The following TFB1M variants were observed in gnomAD, a reference collection of about 807,000 sequenced individuals.
The protein encoded by TFB1M is dimethyladenosine transferase 1, mitochondrial.
TFB1M carries 27 observed loss-of-function variants against 31.1 expected under a neutral mutation model. The observed-to-expected ratio is 0.87, with a 90% confidence interval of 0.64 to 1.20. The LOEUF is 1.20. Ranked by LOEUF, TFB1M falls within the 50% of genes most tolerant of loss-of-function variation. TFB1M has a pLI of 0.00. For synonymous variants in TFB1M, 166 were observed against 151.8 expected, an observed-to-expected ratio of 1.09 and a Z score of -0.69; for missense variants, 394 against 418.7, an observed-to-expected ratio of 0.94 and a Z score of 0.51.
the TFB1M span, among the ~76,000 whole-genome samples, chr6:155,235,777 C>G: frequency 6.6e-6 from 1 of 152,170 alleles, no homozygotes; most frequent in South Asian, 2.1e-4. Context: ...CTAACATTCA[C>G]TTTTTGGGAG....
intron 1 of TFB1M, among the ~76,000 whole-genome samples, chr6:155,311,715 C>T (rs1336329504): frequency 6.6e-6 from 1 of 152,190 alleles, no homozygotes; most frequent in Non-Finnish European, 1.5e-5. Flanking sequence ...AGTTATTGAA[C>T]ATTGAATATC....
intron 5 of TFB1M, among the ~76,000 whole-genome samples, chr6:155,265,680 T>C (rs1159686065): frequency 6.8e-6 from 1 of 147,134 alleles, no homozygotes; most frequent in Non-Finnish European, 1.5e-5. Flanking sequence ...GGAATATATA[T>C]ATATGAGTTT....
chr6:155,307,869 C>T (rs1372359642), intron 2 of TFB1M, among the ~76,000 whole-genome samples: 1 of 150,824 alleles, frequency 6.6e-6, no homozygotes, highest in South Asian at 2.1e-4. Flanking sequence ...GCAGGCAGCC[C>T]GTGGGCCGTG....
chr6:155,254,760 A>C, downstream of TFB1M: 3 of 653,418 alleles, frequency 4.6e-6, no homozygotes, highest in Non-Finnish European at 7.6e-6. Context: ...AGCCACCCCC[A>C]ACCCCCAGTC....
Position 155,256,784 on chromosome 6 carries a change from T to A in TFB1M, c.*1052A>T, listed in dbSNP as rs138634139. 2.5e-3 allele frequency: 3,965 copies of A among 1,614,158 alleles called. 5 individuals are homozygous for A. Among genetic ancestry groups the A allele is most frequent in the Non-Finnish European group, 3.1e-3 (3,681 of 1,180,034 alleles). ...GGCAGCCCTACTAAAGACATCGAAA[T>A]TCAGTTCCAGAGACTGAGGATTTCC... is the stretch of plus-strand genomic sequence containing the variant. On this transcript the variant is annotated 3_prime_UTR_variant, in exon 7 of 7. Coordinates refer to ENST00000367166, the MANE Select transcript of TFB1M (RefSeq NM_016020.4).
intron 5 of TFB1M, chr6:155,275,732 G>GGACTCC: frequency 6.2e-7 from 1 of 1,613,282 alleles, no homozygotes; most frequent in South Asian, 1.1e-5. Context: ...GGCCTCAGCA[G>GGACTCC]GACTCCAGCT....
chr6:155,250,682 C>T, the TFB1M span: 17 of 1,459,318 alleles, frequency 1.2e-5, no homozygotes, highest in East Asian at 1.7e-4. Context: ...CCTACATGTG[C>T]GTGCACTGGA....
At chr6:155,230,657 C>G in the TFB1M span, among the ~76,000 whole-genome samples, 1 of 151,882 alleles carries the variant, frequency 6.6e-6, no homozygotes, top group Non-Finnish European at 1.5e-5. Flanking sequence ...AAAAATTCAA[C>G]CGCTATAAAA....
intron 4 of TFB1M, among the ~76,000 whole-genome samples, chr6:155,287,648 GAT>G (rs1776726873): frequency 6.6e-6 from 1 of 151,678 alleles, no homozygotes; most frequent in African/African-American, 2.4e-5. Flanking sequence ...GAAAGTTTAA[GAT>G]AGTACAACTC....
At chr6:155,299,153 T>A (rs1777317276) in intron 2 of TFB1M, among the ~76,000 whole-genome samples, 1 of 152,142 alleles carries the variant, frequency 6.6e-6, no homozygotes, top group South Asian at 2.1e-4. Context: ...CTAATCTTAA[T>A]ATTTGTTGAT....
chr6:155,251,096 T>G, the TFB1M span: 1 of 1,255,658 alleles, frequency 8.0e-7, no homozygotes, highest in Non-Finnish European at 1.2e-6. Flanking sequence ...GCCGCACCAG[T>G]CCAGCTCACT....
chr6:155,279,096 C>T (rs1785361307), intron 5 of TFB1M, among the ~76,000 whole-genome samples: 1 of 152,016 alleles, frequency 6.6e-6, no homozygotes, highest in African/African-American at 2.4e-5. Flanking sequence ...TTATCTGGCC[C>T]CAAATGTCAA....
chr6:155,287,540 C>A (rs1662578430), intron 4 of TFB1M, among the ~76,000 whole-genome samples: 1 of 109,670 alleles, frequency 9.1e-6, no homozygotes, highest in South Asian at 3.0e-4. Flanking sequence ...CTACTCCTAT[C>A]ATTTACTCTG....
In TFB1M at chr6:155,297,122, A is replaced by G. The variant is rs751594722; in HGVS notation, c.395-18T>C. ...TGGAGGATCTGGTGGCAGAGGAAAA[A>G]ACAACCTGAAATGATTCCATCAATA... On this transcript the variant is annotated intron_variant, in intron 3 of 6. Coordinates refer to ENST00000367166, the MANE Select transcript of TFB1M (RefSeq NM_016020.4). 7 of 1,611,370 alleles carry G rather than the reference A, an allele frequency of 4.3e-6. No individual in the cohort carries two copies. The highest frequency in any genetic ancestry group is 5.1e-6 in the Non-Finnish European group (6 of 1,179,074).
chr6:155,238,533 G>A, the TFB1M span, among the ~76,000 whole-genome samples: 1 of 152,254 alleles, frequency 6.6e-6, no homozygotes, highest in African/African-American at 2.4e-5. Context: ...CATCTGTTAG[G>A]GTCTCACCCT....
chr6:155,300,149 C>A (rs1777361183), intron 2 of TFB1M, among the ~76,000 whole-genome samples: 2 of 151,990 alleles, frequency 1.3e-5, no homozygotes, highest in African/African-American at 2.4e-5. Context: ...TAGAAACTTG[C>A]AAAGATTTAC....
chr6:155,277,865 T>A (rs1785293965), intron 5 of TFB1M, among the ~76,000 whole-genome samples: 2 of 152,222 alleles, frequency 1.3e-5, no homozygotes, highest in Admixed American at 6.5e-5. Flanking sequence ...CCATTAATAG[T>A]TCTTCTCTCA....
At chr6:155,240,654 A>G in the TFB1M span, 1 of 1,613,980 alleles carries the variant, frequency 6.2e-7, no homozygotes, top group Non-Finnish European at 8.5e-7. Context: ...TCTGATGCAG[A>G]CCGCCTCCGC....
At chr6:155,252,865 C>T, downstream of TFB1M, 1 of 1,286,902 alleles carries the variant, frequency 7.8e-7, no homozygotes, top group East Asian at 2.3e-5. Flanking sequence ...ACAGGGAGAA[C>T]ATAAACTTCT....
Sources: gnomAD v4.1 joint callset for allele counts (sites outside exome capture counted in the v4.1 genomes callset) on GRCh38, gnomAD v4.1.1 for gene constraint, MANE v1.5 for transcripts, NCBI Gene and HGNC (gene_info 2026-07-23, HGNC 2026-07-21) for gene names.